The following ZCCHC7 variants were observed in gnomAD, a reference collection of about 807,000 sequenced individuals.
The protein encoded by ZCCHC7 is zinc finger CCHC domain-containing protein 7.
A neutral mutation model predicts 52.0 loss-of-function variants in ZCCHC7; 35 were observed. The ratio of observed to expected loss-of-function variants is 0.67; its 90% confidence interval spans 0.51 to 0.89. ZCCHC7 has a LOEUF of 0.89. Ranked by LOEUF, ZCCHC7 falls within the 40% of genes least tolerant of loss-of-function variation. The pLI, the probability that ZCCHC7 is intolerant of heterozygous loss-of-function variation, is 0.00. For synonymous variants in ZCCHC7, 217 were observed against 221.5 expected, an observed-to-expected ratio of 0.98 and a Z score of 0.18; for missense variants, 574 against 649.1, an observed-to-expected ratio of 0.88 and a Z score of 1.26.
intron 4 of ZCCHC7, among the ~76,000 whole-genome samples, chr9:37,304,823 T>A (rs1166817440): frequency 6.6e-6 from 1 of 152,218 alleles, no homozygotes; most frequent in Non-Finnish European, 1.5e-5. Context: ...CATTACTAGT[T>A]GTATGGGCAA....
At chr9:37,187,068 A>G (rs954542997) in intron 2 of ZCCHC7, 1 of 170,180 alleles carries the variant, frequency 5.9e-6, no homozygotes, top group Non-Finnish European at 1.2e-5. Flanking sequence ...TAAAATGTGT[A>G]TTTTAGTTGA....
intron 1 of ZCCHC7, chr9:37,120,949 G>C (rs1297322338): frequency 6.4e-6 from 1 of 156,522 alleles, no homozygotes; most frequent in Non-Finnish European, 1.4e-5. Flanking sequence ...CAGTCTTCTA[G>C]GGAAGCCAGT....
intron 2 of ZCCHC7, among the ~76,000 whole-genome samples, chr9:37,226,213 A>C (rs1825090734): frequency 6.6e-6 from 1 of 152,226 alleles, no homozygotes; most frequent in South Asian, 2.1e-4. Flanking sequence ...AAAATGTGAA[A>C]TATTAATAGT....
At chr9:37,294,437 A>G (rs17488002) in intron 2 of ZCCHC7, among the ~76,000 whole-genome samples, 3,673 of 152,308 alleles carry the variant, frequency 0.024, 62 homozygotes, top group Non-Finnish European at 0.038. Flanking sequence ...GGTTAGGTAC[A>G]AGCATGATTA....
At chr9:37,123,805 C>G (rs960851582) in intron 1 of ZCCHC7, among the ~76,000 whole-genome samples, 1 of 152,136 alleles carries the variant, frequency 6.6e-6, no homozygotes, top group South Asian at 2.1e-4. Flanking sequence ...ATCTTTTATT[C>G]GAATTCCTCT....
At position 37,347,091 on chromosome 9, in the gene ZCCHC7, C is replaced by CTT. The variant is rs1821030426; in HGVS notation, c.988-2263_988-2262dup. Among the ~76,000 whole-genome samples, 5 of 152,190 alleles carry CTT rather than the reference C, an allele frequency of 3.3e-5. No individual in the cohort carries two copies. The South Asian group carries it at 1.0e-3, about 32-fold the overall frequency. On this transcript the variant is annotated intron_variant, in intron 6 of 8. Transcript: ENST00000336755. Reference sequence around the variant, plus strand: ...GATCCACGTTTAAGCCGATCCTTAACTTTTCTTCCAGTCTCCACAAAGCGT... The same window carrying CTT: ...GATCCACGTTTAAGCCGATCCTTAACTTTTTTCTTCCAGTCTCCACAAAGCGT...
chr9:37,344,904 G>A (rs1448251332), intron 6 of ZCCHC7, among the ~76,000 whole-genome samples: 3 of 152,114 alleles, frequency 2.0e-5, no homozygotes, highest in Admixed American at 6.5e-5. Flanking sequence ...CATGCCATGG[G>A]CCCAGCACTC....
rs1044757679 is a variant in ZCCHC7 at position 37,357,719 on chromosome 9, C to G, written c.*451C>G. ...TTTGGAAAGGACAATAACTATAAAC[C>G]TATATCCAGATTTTCTTTCTGCTGA... On this transcript the variant is annotated 3_prime_UTR_variant, in exon 9 of 9. Transcript: ENST00000336755. 6.7e-5 allele frequency: 10 copies of G among 148,474 alleles called. No homozygotes were observed. Among genetic ancestry groups the G allele is most frequent in the African/African-American group, 2.5e-4 (10 of 40,168 alleles). 9.2% of individuals were successfully genotyped at this position (148,474 alleles called of 1,614,324 possible). A position where few individuals can be genotyped will look rare whatever the true frequency, so the allele number is the denominator to read the frequency against.
chr9:37,214,660 ATTAAT>A (rs1041540554), intron 2 of ZCCHC7, among the ~76,000 whole-genome samples: 6 of 152,046 alleles, frequency 3.9e-5, no homozygotes, highest in East Asian at 1.9e-4. Context: ...TATTTATTAC[ATTAAT>A]TTAATTCTTA....
chr9:37,305,705 C>G lies in ZCCHC7; in HGVS notation c.942C>G (p.His314Gln), dbSNP rs939736356. The change falls in exon 5 of 9, where the codon CAC becomes CAG. Residue 314 changes from histidine (H) to glutamine (Q), a missense_variant. His to Gln is a conservative substitution (Grantham distance 24). Around this residue, in one of 3 missense-constraint regions of ZCCHC7, gnomAD observed 403 missense variants for 461.2 expected, o/e 0.87. Coordinates refer to ENST00000336755, the MANE Select transcript of ZCCHC7 (RefSeq NM_032226.3). Reference sequence around the variant, plus strand: ...GTGACCGATGTCATATGCTAGGCCACTATACAGATGTGAGTATCCTGCATA... The same window carrying G: ...GTGACCGATGTCATATGCTAGGCCAGTATACAGATGTGAGTATCCTGCATA... ...KQCDRCHMLGHYTDACTEIWR... is the reference protein window; with the variant it reads ...KQCDRCHMLGQYTDACTEIWR... 1 of 1,613,998 alleles carries G rather than the reference C, an allele frequency of 6.2e-7. No individual in the cohort carries two copies. The highest frequency in any genetic ancestry group is 8.5e-7 in the Non-Finnish European group (1 of 1,179,982).
chr9:37,352,761 G>GTGA (rs1821469283), intron 7 of ZCCHC7, among the ~76,000 whole-genome samples: 1 of 151,248 alleles, frequency 6.6e-6, no homozygotes, highest in Non-Finnish European at 1.5e-5. Context: ...CTGACCTCAG[G>GTGA]TGATCCACCT....
chr9:37,279,144 A>G (rs1260911017), intron 2 of ZCCHC7, among the ~76,000 whole-genome samples: 1 of 152,198 alleles, frequency 6.6e-6, no homozygotes, highest in Non-Finnish European at 1.5e-5. Context: ...TCAAAAAGGA[A>G]TGAAGGGAAA....
chr9:37,282,971 G>A (rs1828042609), intron 2 of ZCCHC7, among the ~76,000 whole-genome samples: 2 of 148,380 alleles, frequency 1.3e-5, no homozygotes, highest in African/African-American at 5.0e-5. Flanking sequence ...GTGGGGTGGG[G>A]TGGGATGGGG....
chr9:37,254,549 C>T (rs948283158), intron 2 of ZCCHC7, among the ~76,000 whole-genome samples: 4 of 151,730 alleles, frequency 2.6e-5, no homozygotes, highest in Non-Finnish European at 4.4e-5. Context: ...TAAAAAAAGG[C>T]GTCAGAAGGT....
chr9:37,159,901 A>G (rs1821004120), intron 2 of ZCCHC7, among the ~76,000 whole-genome samples: 1 of 152,252 alleles, frequency 6.6e-6, no homozygotes. Context: ...TGTTTATAAC[A>G]TAGACTAGGC....
intron 2 of ZCCHC7, among the ~76,000 whole-genome samples, chr9:37,159,584 ATC>A: frequency 6.6e-6 from 1 of 152,320 alleles, no homozygotes; most frequent in East Asian, 1.9e-4. Context: ...TTATTACTGT[ATC>A]TCAATGATTT....
chr9:37,318,306 A>G (rs1829910600), intron 5 of ZCCHC7, among the ~76,000 whole-genome samples: 1 of 151,984 alleles, frequency 6.6e-6, no homozygotes, highest in Admixed American at 6.6e-5. Context: ...TACTAAAAAT[A>G]CAAAAATTAG....
chr9:37,137,208 T>TA (rs1264314624), intron 2 of ZCCHC7, among the ~76,000 whole-genome samples: 2 of 152,140 alleles, frequency 1.3e-5, no homozygotes, highest in African/African-American at 4.8e-5. Context: ...TTTCTACAAA[T>TA]ATATGAGATG....
At chr9:37,306,762 CTTTTTTTTTTTTTTTTTTTTTTTTTTTTT>C (rs869292704) in intron 5 of ZCCHC7, among the ~76,000 whole-genome samples, 14 of 51,992 alleles carry the variant, frequency 2.7e-4, no homozygotes, top group Admixed American at 5.6e-4. Context: ...TGTACCCGAC[CTTTTTTTTTTTTTTTTTTTTTTTTTTTTT>C]TTTTTTTTTT....
Sources: allele counts gnomAD v4.1 joint callset (sites outside exome capture counted in the v4.1 genomes callset), GRCh38; gene constraint gnomAD v4.1.1; regional missense constraint gnomAD v4.1.1; transcripts MANE v1.5; gene names NCBI Gene and HGNC (gene_info 2026-07-23, HGNC 2026-07-21).